Variants in CCDC88A observed in about 807,000 individuals in gnomAD.
CCDC88A encodes the protein girdin.
CCDC88A carries 54 observed loss-of-function variants against 234.3 expected under a neutral mutation model. The observed-to-expected ratio is 0.23, with a 90% CI of 0.19 to 0.29. The LOEUF is 0.29. Among genes scored for constraint, CCDC88A ranks in the 10% least tolerant of loss-of-function variants. The pLI is 1.00. For missense variants in CCDC88A, 1,832 were observed against 2,123.4 expected, an observed-to-expected ratio of 0.86 and a Z score of 2.70; for synonymous variants, 753 against 737.8, an observed-to-expected ratio of 1.02 and a Z score of -0.33.
At chr2:55,408,523 A>G (rs1479795158) in intron 2 of CCDC88A, among the ~76,000 whole-genome samples, 3 of 152,162 alleles carry the variant, frequency 2.0e-5, no homozygotes, top group Non-Finnish European at 2.9e-5. Flanking sequence ...GATGCTGACA[A>G]GAGTGTCCTC....
chr2:55,395,561 T>A lies in CCDC88A; in HGVS notation c.165-6675A>T, dbSNP rs553512317. Among the ~76,000 whole-genome samples the A allele has an allele frequency of 2.0e-4, 31 of 152,278 alleles. 1 individual carries two copies. In the South Asian group the frequency reaches 6.0e-3, roughly 30 times the overall value. On this transcript the variant is annotated intron_variant, in intron 2 of 32. Transcript: ENST00000436346. ...TATTTCTAAAAATTACCATATTTCCTAACACAAATATTGTCTGAATAAATA... is the reference window on the plus strand; with the variant it reads ...TATTTCTAAAAATTACCATATTTCCAAACACAAATATTGTCTGAATAAATA...
At chr2:55,409,815 A>G (rs766045335) in intron 2 of CCDC88A, among the ~76,000 whole-genome samples, 2 of 142,094 alleles carry the variant, frequency 1.4e-5, no homozygotes, top group Non-Finnish European at 3.0e-5. Context: ...ATCTCGGCTC[A>G]CTGCAACCTC....
intron 17 of CCDC88A, chr2:55,324,173 T>G (rs957314275): frequency 6.6e-6 from 1 of 152,242 alleles, no homozygotes; most frequent in Admixed American, 6.5e-5. Flanking sequence ...TTAATTAAAA[T>G]TTAAAATATT....
At chr2:55,304,521 A>G (rs1574026856) in intron 25 of CCDC88A, among the ~76,000 whole-genome samples, 1 of 152,262 alleles carries the variant, frequency 6.6e-6, no homozygotes. Flanking sequence ...GGGGAAAAAA[A>G]AGAGTATTTT....
At chr2:55,341,810 T>C (rs1230055124) in intron 12 of CCDC88A, among the ~76,000 whole-genome samples, 2 of 152,194 alleles carry the variant, frequency 1.3e-5, no homozygotes, top group Non-Finnish European at 2.9e-5. Flanking sequence ...TCTTTATCCA[T>C]CATTTCATTG....
In CCDC88A at chr2:55,317,906, G is replaced by C; in HGVS notation, c.3325-65C>G. 8.8e-7 allele frequency: 1 copy of C among 1,137,998 alleles called. No homozygotes were observed. The highest frequency in any genetic ancestry group is 1.2e-6 in the Non-Finnish European group (1 of 801,802). 70.5% of individuals were successfully genotyped at this position (1,137,998 alleles called of 1,614,324 possible). On this transcript the variant is annotated intron_variant, in intron 19 of 32. Transcript: ENST00000436346. This position sits in a 1 kb window ranked among gnomAD's most constrained non-coding sequence, Gnocchi z 4.2. Reference sequence around the variant, plus strand: ...GTTCATGTTCTTTTTCAAAATACAAGATTACAATGTTAATTAAAGAAAGCT... The same window carrying C: ...GTTCATGTTCTTTTTCAAAATACAACATTACAATGTTAATTAAAGAAAGCT...
chr2:55,391,405 G>A (rs1263725740), intron 2 of CCDC88A, among the ~76,000 whole-genome samples: 1 of 151,918 alleles, frequency 6.6e-6, no homozygotes, highest in African/African-American at 2.4e-5. Context: ...AAAATTAATA[G>A]ACACAAAAGA....
Position 55,312,439 on chromosome 2 carries a change from C to T in CCDC88A, c.4074G>A (p.Gln1358=), listed in dbSNP as rs755383987. The part of the protein sequence containing the change: ...SKDLFHVEQR[Q]YIDKLNELRR... Reference sequence around the variant, plus strand: ...CAAAATTATTTGGTACCTACATGTACTGTCTTTGTTCAACATGAAAAAGAT... The same window carrying T: ...CAAAATTATTTGGTACCTACATGTATTGTCTTTGTTCAACATGAAAAAGAT... The change falls in exon 23 of 33, where the codon CAG becomes CAA. Residue 1358 remains glutamine, a synonymous_variant. Transcript: ENST00000436346. The T allele has an allele frequency of 1.2e-6, 2 of 1,611,282 alleles. No homozygotes were observed. The highest frequency in any genetic ancestry group is 1.7e-6 in the Non-Finnish European group (2 of 1,178,660).
At chr2:55,391,620 T>C (rs963487540) in intron 2 of CCDC88A, among the ~76,000 whole-genome samples, 1 of 152,130 alleles carries the variant, frequency 6.6e-6, no homozygotes, top group Non-Finnish European at 1.5e-5. Context: ...ATACAACTAT[T>C]TGAAATGAAA....
chr2:55,300,911 C>T, intron 28 of CCDC88A: 1 of 255,928 alleles, frequency 3.9e-6, no homozygotes, highest in Non-Finnish European at 7.3e-6. Flanking sequence ...TGGTAAAATG[C>T]AACTCTTATA....
At chr2:55,338,766 G>A (rs1415218055) in intron 13 of CCDC88A, among the ~76,000 whole-genome samples, 1 of 152,136 alleles carries the variant, frequency 6.6e-6, no homozygotes, top group Non-Finnish European at 1.5e-5. Context: ...CTTTTAAAGA[G>A]GCTTCCACTA....
At chr2:55,291,655 C>A (rs1679463245) in intron 32 of CCDC88A, 21 bp downstream of exon 32, 2 of 1,120,576 alleles carry the variant, frequency 1.8e-6, no homozygotes, top group Admixed American at 4.2e-5. Context: ...ATCTCATTTA[C>A]ATTTTAAGCA....
intron 2 of CCDC88A, among the ~76,000 whole-genome samples, chr2:55,398,371 T>C (rs1677984948): frequency 6.6e-6 from 1 of 152,232 alleles, no homozygotes. Context: ...TCAGATATTA[T>C]ATCATTATCT....
chr2:55,344,078 T>C (rs1668815154), intron 11 of CCDC88A: 1 of 361,036 alleles, frequency 2.8e-6, no homozygotes, highest in Non-Finnish European at 4.9e-6. Flanking sequence ...AATGCTAAAT[T>C]TTAGCAATCA....
intron 8 of CCDC88A, among the ~76,000 whole-genome samples, chr2:55,353,653 A>C (rs1670181238): frequency 6.7e-6 from 1 of 148,900 alleles, no homozygotes; most frequent in African/African-American, 2.5e-5. Context: ...CCAAACCAAA[A>C]AAAAAAAAAA....
intron 12 of CCDC88A, among the ~76,000 whole-genome samples, chr2:55,342,628 C>T (rs1668653254): frequency 6.6e-6 from 1 of 152,096 alleles, no homozygotes; most frequent in Non-Finnish European, 1.5e-5. Context: ...TCTCAAGTAA[C>T]ACAAGTTCAA....
chr2:55,397,814 A>C (rs920747975), intron 2 of CCDC88A, among the ~76,000 whole-genome samples: 1 of 152,170 alleles, frequency 6.6e-6, no homozygotes, highest in Non-Finnish European at 1.5e-5. Flanking sequence ...AAGAATTAGC[A>C]AGTTTTCAGA....
In CCDC88A at chr2:55,346,277, A is replaced by G. The variant is rs377592235; in HGVS notation, c.939T>C (p.Asp313=). ...CTCTGACTGCTTTCTCTCGAAGTGC[A>G]TCTAATTCATCTCGGTACATTCTGG... ...RSARMYRDEL[D]ALREKAVRVD... is the part of the protein sequence containing the mutation. The change falls in exon 10 of 33, where the codon GAT becomes GAC. Residue 313 remains aspartate (D), a synonymous_variant. Coordinates refer to ENST00000436346, the MANE Select transcript of CCDC88A (RefSeq NM_001365480.1). 1 of 1,611,468 alleles carries G rather than the reference A, an allele frequency of 6.2e-7. No individual in the cohort carries two copies. The highest frequency in any genetic ancestry group is 1.3e-5 in the African/African-American group (1 of 74,884).
intron 28 of CCDC88A, chr2:55,300,230 A>C: frequency 1.3e-5 from 4 of 307,278 alleles, no homozygotes; most frequent in Non-Finnish European, 1.9e-5. Flanking sequence ...ATCCCCCAAA[A>C]TGCTATTGAT....
Sources: allele counts gnomAD v4.1 joint callset (sites outside exome capture counted in the v4.1 genomes callset), GRCh38; gene constraint gnomAD v4.1.1; non-coding constraint Gnocchi (gnomAD v3.1); transcripts MANE v1.5; gene names NCBI Gene and HGNC (gene_info 2026-07-23, HGNC 2026-07-21).